Variants in PRKCA observed in about 807,000 individuals in gnomAD.
The protein encoded by PRKCA is protein kinase C alpha type.
A neutral mutation model predicts 87.0 loss-of-function variants in PRKCA; 27 were observed. The ratio of observed to expected loss-of-function variants is 0.31; its 90% CI spans 0.23 to 0.43. PRKCA has a LOEUF of 0.43. Among genes scored for constraint, PRKCA ranks in the 20% least tolerant of loss-of-function variants. The probability of loss-of-function intolerance (pLI) is 1.00; values close to 1 mark genes in which losing one functional copy is unlikely to be tolerated. For synonymous variants in PRKCA, 329 were observed against 311.1 expected, an observed-to-expected ratio of 1.06 and a Z score of -0.61; for missense variants, 518 against 852.3, an observed-to-expected ratio of 0.61 and a Z score of 4.88.
intron 3 of PRKCA, among the ~76,000 whole-genome samples, chr17:66,632,483 A>G (rs1371730448): frequency 6.6e-6 from 1 of 152,050 alleles, no homozygotes; most frequent in East Asian, 1.9e-4. Context: ...GGGCTCAAGC[A>G]GTCCTCCCAC....
At position 66,685,884 on chromosome 17, in the gene PRKCA, A is replaced by T. The variant is rs8070011; in HGVS notation, c.530-1227A>T. ...GTTCTGCAACTTTTATGGACATCAG[A>T]ATCACCTGGAGGCTTGGTAAACACA... On this transcript the variant is annotated intron_variant, in intron 5 of 16. Coordinates refer to ENST00000413366, the MANE Select transcript of PRKCA (RefSeq NM_002737.3). 9.9e-3 allele frequency among the ~76,000 whole-genome samples: 1,502 copies of T among 152,338 alleles called. 29 individuals are homozygous for T. Among genetic ancestry groups the T allele is most frequent in the African/African-American group, 0.034 (1,399 of 41,568 alleles).
chr17:66,431,210 C>T (rs1913082060), intron 2 of PRKCA, among the ~76,000 whole-genome samples: 1 of 152,196 alleles, frequency 6.6e-6, no homozygotes, highest in African/African-American at 2.4e-5. Context: ...CCTTGGGCTA[C>T]TGGGTTTATT....
At chr17:66,757,985 A>G (rs568024289) in intron 13 of PRKCA, among the ~76,000 whole-genome samples, 1 of 152,328 alleles carries the variant, frequency 6.6e-6, no homozygotes, top group Non-Finnish European at 1.5e-5. Flanking sequence ...TCAGCCTTCC[A>G]AAGTGCTGGG....
intron 8 of PRKCA, among the ~76,000 whole-genome samples, chr17:66,720,616 T>A (rs971145996): frequency 6.6e-6 from 1 of 152,232 alleles, no homozygotes; most frequent in Non-Finnish European, 1.5e-5. Flanking sequence ...TCCTTGGTTA[T>A]ATATGGCATG....
At chr17:66,348,379 C>T (rs560287484) in intron 2 of PRKCA, among the ~76,000 whole-genome samples, 24 of 152,294 alleles carry the variant, frequency 1.6e-4, no homozygotes, top group African/African-American at 5.5e-4. Context: ...CACCTTGACT[C>T]AGGCTAAGGT....
chr17:66,774,170 G>A (rs898990354), intron 14 of PRKCA, 103 bp downstream of exon 14: 20 of 1,589,594 alleles, frequency 1.3e-5, no homozygotes, highest in Admixed American at 1.8e-5. Context: ...TAGTGCAGCT[G>A]GTGTTGGCGT....
At chr17:66,556,550 T>C (rs1968501053) in intron 3 of PRKCA, among the ~76,000 whole-genome samples, 1 of 152,218 alleles carries the variant, frequency 6.6e-6, no homozygotes, top group Non-Finnish European at 1.5e-5. Context: ...GAGGGTATGC[T>C]ATCTGCTATG....
intron 2 of PRKCA, among the ~76,000 whole-genome samples, chr17:66,324,320 G>A (rs576386653): frequency 6.6e-6 from 1 of 152,050 alleles, no homozygotes; most frequent in African/African-American, 2.4e-5. Flanking sequence ...AAGAAATATA[G>A]GCAGGCATCA....
chr17:66,322,181 G>A (rs933265145), intron 2 of PRKCA, among the ~76,000 whole-genome samples: 1 of 152,090 alleles, frequency 6.6e-6, no homozygotes. Context: ...TTATGTCATT[G>A]CCTGGTCTCT....
rs371513795 is a variant in PRKCA at position 66,344,175 on chromosome 17, A to T, written c.205+38048A>T. Among the ~76,000 whole-genome samples, 11 of 152,164 alleles carry T rather than the reference A, an allele frequency of 7.2e-5. No homozygotes were observed. In the East Asian group the frequency reaches 1.7e-3, roughly 24 times the overall value. The stretch of plus-strand genomic sequence containing the variant: ...CAGTATCGATGAATGGAAATTTCCT[A>T]TTCGGCATTTTAGAAGGGAGTTTGA... On this transcript the variant is annotated intron_variant, in intron 2 of 16. Coordinates refer to ENST00000413366, the MANE Select transcript of PRKCA (RefSeq NM_002737.3).
At chr17:66,510,335 GA>G (rs1917169706) in intron 3 of PRKCA, among the ~76,000 whole-genome samples, 1 of 152,196 alleles carries the variant, frequency 6.6e-6, no homozygotes, top group Admixed American at 6.5e-5. Flanking sequence ...TAAGCCTAAC[GA>G]AATTATGCAA....
rs760897668 is a variant in PRKCA at position 66,741,706 on chromosome 17, G to T, written c.1370G>T (p.Arg457Ile). The change falls in exon 12 of 17, where the codon AGA (arginine) becomes ATA (isoleucine). Residue 457 changes from arginine to isoleucine, a missense_variant. Arg to Ile is a moderately conservative substitution (Grantham distance 97). Coordinates refer to ENST00000413366, the MANE Select transcript of PRKCA (RefSeq NM_002737.3). ...ATCGGATTGTTCTTTCTTCATAAAA[G>T]AGGAATCATTTATAGGTGTGTATTG... ...ISIGLFFLHK[R>I]GIIYRDLKLD... 3.1e-6 allele frequency: 5 copies of T among 1,614,178 alleles called. No homozygotes were observed. Among genetic ancestry groups the T allele is most frequent in the Non-Finnish European group, 2.5e-6 (3 of 1,180,032 alleles).
intron 2 of PRKCA, among the ~76,000 whole-genome samples, chr17:66,490,401 T>C (rs1005915394): frequency 2.0e-5 from 3 of 150,840 alleles, no homozygotes; most frequent in African/African-American, 7.3e-5. Flanking sequence ...TGGAGTGCAA[T>C]GGCAGGATCT....
At chr17:66,733,808 T>TA (rs889548522) in intron 9 of PRKCA, among the ~76,000 whole-genome samples, 4 of 151,760 alleles carry the variant, frequency 2.6e-5, no homozygotes, top group Non-Finnish European at 4.4e-5. Flanking sequence ...AGTAAATAAA[T>TA]AAAAAAAGGT....
At chr17:66,635,226 T>C (rs1002401961) in intron 3 of PRKCA, among the ~76,000 whole-genome samples, 2 of 152,140 alleles carry the variant, frequency 1.3e-5, no homozygotes, top group African/African-American at 4.8e-5. Flanking sequence ...GAAAGGATCC[T>C]GAGGCTGCTC....
intron 3 of PRKCA, among the ~76,000 whole-genome samples, chr17:66,510,597 A>G (rs1228026776): frequency 6.6e-6 from 1 of 152,134 alleles, no homozygotes; most frequent in Non-Finnish European, 1.5e-5. Flanking sequence ...TTTCTTTCCC[A>G]TTTGATCACT....
chr17:66,303,937 C>T (rs932225860), intron 1 of PRKCA, among the ~76,000 whole-genome samples: 3 of 152,096 alleles, frequency 2.0e-5, no homozygotes, highest in African/African-American at 7.2e-5. Flanking sequence ...GAGGCGGAGG[C>T]TGCAGTGAGC....
intron 2 of PRKCA, among the ~76,000 whole-genome samples, chr17:66,436,862 C>T (rs896627328): frequency 2.0e-5 from 3 of 151,912 alleles, no homozygotes; most frequent in African/African-American, 4.8e-5. Flanking sequence ...TTAAAGATGT[C>T]GTATAAGTCA....
intron 5 of PRKCA, among the ~76,000 whole-genome samples, chr17:66,664,576 G>T (rs1350627887): frequency 6.6e-6 from 1 of 150,554 alleles, no homozygotes; most frequent in East Asian, 2.0e-4. Context: ...AAAGAAGAGA[G>T]ATTCGTCATC....
Sources: allele counts gnomAD v4.1 joint callset (sites outside exome capture counted in the v4.1 genomes callset), GRCh38; gene constraint gnomAD v4.1.1; transcripts MANE v1.5; gene names NCBI Gene and HGNC (gene_info 2026-07-23, HGNC 2026-07-21).